CD44: variants seen among roughly 807,000 people sequenced by gnomAD.
The protein encoded by CD44 is CD44 molecule (IN blood group).
A neutral mutation model predicts 88.8 loss-of-function variants in CD44; 49 were observed. The ratio of observed to expected loss-of-function variants is 0.55; its 90% CI spans 0.44 to 0.70. CD44 has a LOEUF of 0.70. Among genes scored for constraint, CD44 ranks in the 30% least tolerant of loss-of-function variants. The probability of loss-of-function intolerance (pLI) is 0.00; values close to 1 mark genes in which losing one functional copy is unlikely to be tolerated. For missense variants in CD44, 883 were observed against 913.8 expected, an observed-to-expected ratio of 0.97 and a Z score of 0.43; for synonymous variants, 325 against 312.3, an observed-to-expected ratio of 1.04 and a Z score of -0.43.
chr11:35,227,490 A>G (rs547125011), intron 17 of CD44, among the ~76,000 whole-genome samples: 1 of 152,192 alleles, frequency 6.6e-6, no homozygotes, highest in East Asian at 1.9e-4. Flanking sequence ...CTGGCCTCCA[A>G]GGCCCTTTTC....
intron 10 of CD44, chr11:35,205,868 C>A (rs1157110056): frequency 2.6e-6 from 3 of 1,134,858 alleles, no homozygotes; most frequent in Non-Finnish European, 1.1e-6. Flanking sequence ...TTCTGCACTG[C>A]GGGAGTTGTT....
intron 5 of CD44, among the ~76,000 whole-genome samples, chr11:35,195,254 T>C (rs76490475): frequency 0.042 from 6,435 of 152,334 alleles, 171 homozygotes; most frequent in Non-Finnish European, 0.058. Flanking sequence ...AGGCATTCTT[T>C]CTGCAGAGGG....
intron 1 of CD44, among the ~76,000 whole-genome samples, chr11:35,140,497 C>A (rs961872610): frequency 6.6e-6 from 1 of 152,142 alleles, no homozygotes; most frequent in Non-Finnish European, 1.5e-5. Context: ...ACAGTCTCAC[C>A]CAGGTAGTTT....
chr11:35,150,782 G>A (rs955877308), intron 1 of CD44, among the ~76,000 whole-genome samples: 3 of 152,180 alleles, frequency 2.0e-5, no homozygotes, highest in Non-Finnish European at 4.4e-5. Flanking sequence ...TCATAGCCAG[G>A]AGAGCTTCTC....
At chr11:35,201,239 A>C in intron 8 of CD44, 44 bp downstream of exon 8, 1 of 1,325,794 alleles carries the variant, frequency 7.5e-7, no homozygotes, top group Non-Finnish European at 1.1e-6. Flanking sequence ...TTTCCCCTCA[A>C]AGCCCATGAT....
chr11:35,159,053 C>G (rs1218099256), intron 1 of CD44, among the ~76,000 whole-genome samples: 1 of 152,180 alleles, frequency 6.6e-6, no homozygotes, highest in Non-Finnish European at 1.5e-5. Context: ...GGCCAGAGAA[C>G]AGAAGGGCTC....
intron 1 of CD44, among the ~76,000 whole-genome samples, chr11:35,157,036 TTA>T (rs1440427047): frequency 1.3e-5 from 2 of 152,002 alleles, no homozygotes; most frequent in Non-Finnish European, 2.9e-5. Flanking sequence ...CCTGTCTCTA[TTA>T]AAAATTAGGA....
chr11:35,140,990 C>T (rs1018356068), intron 1 of CD44, among the ~76,000 whole-genome samples: 2 of 150,024 alleles, frequency 1.3e-5, no homozygotes, highest in African/African-American at 4.9e-5. Flanking sequence ...CATTGCACTC[C>T]AGCCTGGGTG....
At chr11:35,150,585 A>T (rs1207571813) in intron 1 of CD44, among the ~76,000 whole-genome samples, 2 of 152,196 alleles carry the variant, frequency 1.3e-5, no homozygotes, top group African/African-American at 4.8e-5. Context: ...GTCAGATCAC[A>T]GCTCCTTTTG....
At chr11:35,180,817 G>A (rs556360847) in intron 3 of CD44, among the ~76,000 whole-genome samples, 15 of 152,332 alleles carry the variant, frequency 9.8e-5, no homozygotes, top group African/African-American at 3.4e-4. Flanking sequence ...GACCACACAA[G>A]GCCTGTGAGC....
intron 1 of CD44, among the ~76,000 whole-genome samples, chr11:35,170,680 C>T (rs940696584): frequency 2.6e-5 from 4 of 152,186 alleles, no homozygotes; most frequent in African/African-American, 9.7e-5. Context: ...TATTTCCAGC[C>T]AGAAAGGCTT....
At position 35,199,893 on chromosome 11, in the gene CD44, A is replaced by G. The variant is rs150453779; in HGVS notation, c.923-1189A>G. 1.9e-3 allele frequency among the ~76,000 whole-genome samples: 278 copies of G among 144,650 alleles called. 2 individuals are homozygous for G. Among genetic ancestry groups the G allele is most frequent in the African/African-American group, 6.8e-3 (263 of 38,896 alleles). The allele number at this position is 144,650 out of a possible 152,430, so 94.9% of individuals were successfully genotyped here. A position where few individuals can be genotyped will look rare whatever the true frequency, so the allele number is the denominator to read the frequency against. ...CCCAAACAGATCTACCTGTAAATGAATTGTATGGTCAGGCTTCAGGGAAAA... is the reference window on the plus strand; with the variant it reads ...CCCAAACAGATCTACCTGTAAATGAGTTGTATGGTCAGGCTTCAGGGAAAA... On this transcript the variant is annotated intron_variant, in intron 7 of 17. Transcript: ENST00000428726.
chr11:35,139,440 C>G, intron 1 of CD44, 70 bp downstream of exon 1: 1 of 1,413,278 alleles, frequency 7.1e-7, no homozygotes, highest in Non-Finnish European at 9.8e-7. Context: ...GCGGCAGCCC[C>G]TCCGGCTGAG....
At chr11:35,181,145 G>C (rs1944948814) in intron 3 of CD44, among the ~76,000 whole-genome samples, 1 of 152,142 alleles carries the variant, frequency 6.6e-6, no homozygotes, top group South Asian at 2.1e-4. Context: ...AAATGTCTTA[G>C]CTGAGAGGTA....
chr11:35,191,838 A>G (rs866398446), intron 5 of CD44, among the ~76,000 whole-genome samples: 5 of 152,336 alleles, frequency 3.3e-5, no homozygotes, highest in Middle Eastern at 3.4e-3. Flanking sequence ...TTAGTCAGCA[A>G]ACGTATTTTG....
intron 11 of CD44, 127 bp from the exon 12 acceptor site, chr11:35,207,978 A>G: frequency 4.8e-6 from 3 of 630,668 alleles, no homozygotes; most frequent in Non-Finnish European, 8.7e-6. Context: ...CGGGAGATAT[A>G]GTCAGTATGT....
chr11:35,189,772 C>T (rs568486899), intron 4 of CD44, 63 bp from the exon 5 acceptor site: 54 of 1,086,278 alleles, frequency 5.0e-5, no homozygotes, highest in African/African-American at 2.0e-4. Flanking sequence ...CTATGTTAAA[C>T]GCTAATCCAC....
At chr11:35,154,409 T>C (rs910879794) in intron 1 of CD44, among the ~76,000 whole-genome samples, 2 of 152,218 alleles carry the variant, frequency 1.3e-5, no homozygotes, top group African/African-American at 4.8e-5. Flanking sequence ...TGGTGACTTC[T>C]TGGAGACAAG....
At position 35,190,004 on chromosome 11, in the gene CD44, C is replaced by A. The variant is rs1165144265; in HGVS notation, c.606C>A (p.His202Gln). 2.5e-6 allele frequency: 4 copies of A among 1,614,102 alleles called. No homozygotes were observed. The highest frequency in any genetic ancestry group is 2.5e-6 in the Non-Finnish European group (3 of 1,180,032). The change falls in exon 5 of 18, where the codon CAC becomes CAA. Residue 202 changes from histidine (H) to glutamine (Q), a missense_variant. His to Gln is a conservative substitution (Grantham distance 24). Around this residue, in one of 2 missense-constraint regions of CD44, gnomAD observed 252 missense variants for 322.9 expected, o/e 0.78. Coordinates refer to ENST00000428726, the MANE Select transcript of CD44 (RefSeq NM_000610.4). ...TCTTTTACACCTTTTCTACTGTACA[C>A]CCCATCCCAGACGAAGACAGTCCCT... ...GYIFYTFSTV[H>Q]PIPDEDSPWI... is the part of the protein sequence containing the mutation.
Sources: allele counts gnomAD v4.1 joint callset (sites outside exome capture counted in the v4.1 genomes callset), GRCh38; gene constraint gnomAD v4.1.1; regional missense constraint gnomAD v4.1.1; transcripts MANE v1.5; gene names NCBI Gene and HGNC (gene_info 2026-07-23, HGNC 2026-07-21).